Variants in FOXP2 observed in about 807,000 individuals in gnomAD.
FOXP2 encodes the protein forkhead box protein P2.
In FOXP2, 12 loss-of-function variants were observed where a neutral mutation model predicts 115.8. That is an observed-to-expected ratio of 0.10 (90% CI 0.07 to 0.17). FOXP2 has a LOEUF of 0.17. Ranked by LOEUF, FOXP2 falls within the 10% of genes least tolerant of loss-of-function variation. The pLI, the probability that FOXP2 is intolerant of heterozygous loss-of-function variation, is 1.00. For missense variants in FOXP2, 629 were observed against 843.5 expected (o/e 0.75, Z 3.15); for synonymous variants, 328 against 297.7 (o/e 1.10, Z -1.05).
intron 2 of FOXP2, 90 bp from the exon 3 acceptor site, chr7:114,534,527 T>A: frequency 1.9e-6 from 2 of 1,035,882 alleles, no homozygotes; most frequent in Non-Finnish European, 3.1e-6. Context: ...GGAGTTCTTG[T>A]ACATTGAAGC....
chr7:114,605,433 T>C (rs974540558), intron 3 of FOXP2, among the ~76,000 whole-genome samples: 9 of 152,200 alleles, frequency 5.9e-5, no homozygotes, highest in African/African-American at 1.9e-4. Flanking sequence ...TGCCAGATTG[T>C]AGATCAGACT....
chr7:114,391,805 A>G (rs1470448519), intron 2 of FOXP2, among the ~76,000 whole-genome samples: 2 of 152,220 alleles, frequency 1.3e-5, no homozygotes, highest in East Asian at 3.8e-4. Context: ...GTCCACATGA[A>G]CATGGTAGTT....
At chr7:114,103,777 A>T (rs7785744) in intron 1 of FOXP2, among the ~76,000 whole-genome samples, 70,916 of 151,660 alleles carry the variant, frequency 0.47, 17,587 homozygotes, top group African/African-American at 0.63. Context: ...AAATAATTTC[A>T]TTTTTTCCCT....
intron 1 of FOXP2, among the ~76,000 whole-genome samples, chr7:114,232,138 C>T (rs1794893773): frequency 6.6e-6 from 1 of 152,058 alleles, no homozygotes; most frequent in African/African-American, 2.4e-5. Flanking sequence ...CAGGGAAATG[C>T]AAGTAAAACT....
chr7:114,576,325 A>T (rs1801574066), intron 3 of FOXP2, among the ~76,000 whole-genome samples: 1 of 151,882 alleles, frequency 6.6e-6, no homozygotes, highest in Admixed American at 6.6e-5. Context: ...GCTGGAATGT[A>T]AGCTCCCTGA....
At chr7:114,477,821 A>G (rs906969521) in intron 2 of FOXP2, among the ~76,000 whole-genome samples, 2 of 151,962 alleles carry the variant, frequency 1.3e-5, no homozygotes, top group African/African-American at 4.8e-5. Context: ...AATGTTTATG[A>G]GATAAAAATT....
chr7:114,594,835 T>C (rs1394386491), intron 3 of FOXP2, among the ~76,000 whole-genome samples: 1 of 152,012 alleles, frequency 6.6e-6, no homozygotes, highest in Non-Finnish European at 1.5e-5. Context: ...GAGATAGAAT[T>C]AAATCTTCAA....
chr7:114,373,995 C>A (rs899361891), intron 2 of FOXP2, among the ~76,000 whole-genome samples: 1 of 152,126 alleles, frequency 6.6e-6, no homozygotes, highest in African/African-American at 2.4e-5. Context: ...CCAGTTTCTC[C>A]ATTTCACTTA....
At position 114,514,441 on chromosome 7, in the gene FOXP2, C is replaced by A. The variant is rs148353446; in HGVS notation, c.169-20176C>A. Among the ~76,000 whole-genome samples the A allele has an allele frequency of 4.1e-3, 607 of 146,864 alleles. 3 individuals carry two copies. Among genetic ancestry groups the A allele is most frequent in the African/African-American group, 0.012 (476 of 39,298 alleles). ...CCTTATCCCCCTAGCCTCTGGTAAC[C>A]ACCATATTACTCTATTTATATTAGT... On this transcript the variant is annotated intron_variant, in intron 2 of 16. Transcript: ENST00000350908.
At chr7:114,094,513 T>A (rs181349134) in intron 1 of FOXP2, among the ~76,000 whole-genome samples, 5 of 152,292 alleles carry the variant, frequency 3.3e-5, no homozygotes, top group African/African-American at 1.2e-4. Context: ...ACTTCCTTTC[T>A]TCCTTTCATT....
intron 2 of FOXP2, among the ~76,000 whole-genome samples, chr7:114,498,116 C>T (rs1186136785): frequency 6.6e-6 from 1 of 152,090 alleles, no homozygotes; most frequent in Non-Finnish European, 1.5e-5. Context: ...GAATCCGTTG[C>T]TTAGTTAATA....
At chr7:114,686,086 A>G (rs544553252) in intron 16 of FOXP2, among the ~76,000 whole-genome samples, 1 of 152,216 alleles carries the variant, frequency 6.6e-6, no homozygotes, top group South Asian at 2.1e-4. Flanking sequence ...ATATACTTTC[A>G]TATATGTAGT....
chr7:114,539,193 A>G (rs1799535645), intron 3 of FOXP2, among the ~76,000 whole-genome samples: 1 of 151,950 alleles, frequency 6.6e-6, no homozygotes, highest in African/African-American at 2.4e-5. Context: ...ATAAGTTATA[A>G]AAGTTTATAA....
At chr7:114,579,941 A>G (rs1237429209) in intron 3 of FOXP2, among the ~76,000 whole-genome samples, 1 of 152,228 alleles carries the variant, frequency 6.6e-6, no homozygotes, top group Non-Finnish European at 1.5e-5. Flanking sequence ...CAATCATTGT[A>G]CTGAGGAATT....
chr7:114,179,575 A>G (rs1045642429), intron 1 of FOXP2, among the ~76,000 whole-genome samples: 1 of 152,010 alleles, frequency 6.6e-6, no homozygotes, highest in Admixed American at 6.6e-5. Context: ...TTTTTCAGAA[A>G]AGAAAGTTGT....
At chr7:114,562,266 A>G (rs905001162) in intron 3 of FOXP2, among the ~76,000 whole-genome samples, 2 of 152,210 alleles carry the variant, frequency 1.3e-5, no homozygotes, top group African/African-American at 4.8e-5. Flanking sequence ...AATATCAGGC[A>G]GTATTGGTTC....
intron 1 of FOXP2, among the ~76,000 whole-genome samples, chr7:114,166,185 A>G (rs1385215370): frequency 1.3e-5 from 2 of 152,154 alleles, no homozygotes; most frequent in Admixed American, 1.3e-4. Context: ...AAATCTAAGT[A>G]CCCTTGGGTT....
At chr7:114,551,679 A>T (rs1800214188) in intron 3 of FOXP2, among the ~76,000 whole-genome samples, 1 of 152,128 alleles carries the variant, frequency 6.6e-6, no homozygotes. Flanking sequence ...CAAAAGGGTT[A>T]CCAGATATTT....
intron 2 of FOXP2, among the ~76,000 whole-genome samples, chr7:114,301,772 A>G (rs1796884890): frequency 6.6e-6 from 1 of 152,182 alleles, no homozygotes; most frequent in Non-Finnish European, 1.5e-5. Flanking sequence ...ATGTTTGTTT[A>G]GAAAGATTAA....
Sources: allele counts gnomAD v4.1 joint callset (sites outside exome capture counted in the v4.1 genomes callset), GRCh38; gene constraint gnomAD v4.1.1; transcripts MANE v1.5; gene names NCBI Gene and HGNC (gene_info 2026-07-23, HGNC 2026-07-21).